BMPER: variants seen among roughly 807,000 people sequenced by gnomAD.
BMPER encodes BMP binding endothelial regulator, also known as BMP-binding endothelial regulator protein.
Under a neutral mutation model 87.3 loss-of-function variants are expected in BMPER, and 45 were observed. That is an observed-to-expected ratio of 0.52 (90% confidence interval 0.41 to 0.66). The LOEUF (loss-of-function observed/expected upper bound fraction) is 0.66, where lower values mean the gene tolerates loss of function less well. Ranked by LOEUF, BMPER falls within the 30% of genes least tolerant of loss-of-function variation. The pLI is 0.00. For synonymous variants in BMPER, 326 were observed against 316.2 expected, an observed-to-expected ratio of 1.03 and a Z score of -0.33; for missense variants, 784 against 867.5, an observed-to-expected ratio of 0.90 and a Z score of 1.21.
chr7:34,066,855 G>A (rs77230393), intron 11 of BMPER, among the ~76,000 whole-genome samples: 5,849 of 151,448 alleles, frequency 0.039, 117 homozygotes, highest in Non-Finnish European at 0.042. Context: ...GAGGGGCAGA[G>A]AGAGAGAGAG....
At chr7:33,984,495 A>ATCTC (rs1211457643) in intron 6 of BMPER, among the ~76,000 whole-genome samples, 1 of 152,094 alleles carries the variant, frequency 6.6e-6, no homozygotes, top group Non-Finnish European at 1.5e-5. Flanking sequence ...CAGTGGGCTT[A>ATCTC]TCTCTCCATT....
At chr7:34,146,894 C>G (rs1158267080) in intron 14 of BMPER, among the ~76,000 whole-genome samples, 2 of 152,194 alleles carry the variant, frequency 1.3e-5, no homozygotes, top group Non-Finnish European at 2.9e-5. Context: ...TTTCCAATTT[C>G]TATTTGTTTG....
chr7:33,916,052 G>A (rs1438111383), intron 2 of BMPER, among the ~76,000 whole-genome samples: 1 of 152,204 alleles, frequency 6.6e-6, no homozygotes, highest in African/African-American at 2.4e-5. Context: ...GAAGTGTCAT[G>A]GAATGACTGC....
intron 2 of BMPER, among the ~76,000 whole-genome samples, chr7:33,914,457 A>G (rs577941224): frequency 6.6e-6 from 1 of 152,290 alleles, no homozygotes; most frequent in East Asian, 1.9e-4. Flanking sequence ...AAGTCTGGCC[A>G]ATGTCATAGA....
intron 6 of BMPER, among the ~76,000 whole-genome samples, chr7:34,024,384 AATATATATATATATAT>A (rs200214350): frequency 0.039 from 917 of 23,394 alleles, 37 homozygotes; most frequent in African/African-American, 0.064. Context: ...AAAAAAAAAC[AATATATATATATATAT>A]ATATATATAT....
At chr7:33,955,351 C>T (rs185954435) in intron 3 of BMPER, among the ~76,000 whole-genome samples, 5 of 152,302 alleles carry the variant, frequency 3.3e-5, no homozygotes, top group African/African-American at 4.8e-5. Flanking sequence ...CTCTGTACAA[C>T]GTTGCGCTGT....
chr7:34,065,249 C>CTCTCTCCCT (rs1788555867), intron 11 of BMPER, among the ~76,000 whole-genome samples: 1 of 58,494 alleles, frequency 1.7e-5, no homozygotes, highest in Non-Finnish European at 3.9e-5. Flanking sequence ...TCTCTCTCTC[C>CTCTCTCCCT]CTCTCTCTCT....
intron 13 of BMPER, among the ~76,000 whole-genome samples, chr7:34,135,931 A>G (rs1347844597): frequency 6.6e-6 from 1 of 152,164 alleles, no homozygotes; most frequent in Admixed American, 6.5e-5. Flanking sequence ...ATCTACAACC[A>G]GAGAAACAGG....
At chr7:33,964,957 A>G (rs550754487) in intron 3 of BMPER, among the ~76,000 whole-genome samples, 1 of 152,184 alleles carries the variant, frequency 6.6e-6, no homozygotes, top group Non-Finnish European at 1.5e-5. Flanking sequence ...GTTATTTATT[A>G]TCTGAATGAG....
At chr7:34,147,563 T>G (rs13242615) in intron 14 of BMPER, among the ~76,000 whole-genome samples, 3 of 152,156 alleles carry the variant, frequency 2.0e-5, no homozygotes, top group African/African-American at 7.2e-5. Flanking sequence ...CTCCAACTCC[T>G]AGGTTCAAGT....
intron 13 of BMPER, among the ~76,000 whole-genome samples, chr7:34,123,937 C>A (rs1250235632): frequency 6.6e-6 from 1 of 152,058 alleles, no homozygotes; most frequent in African/African-American, 2.4e-5. Flanking sequence ...ATTAATGTAT[C>A]TTTTCATTTA....
intron 3 of BMPER, among the ~76,000 whole-genome samples, chr7:33,946,228 TG>T (rs1172516366): frequency 6.6e-6 from 1 of 152,060 alleles, no homozygotes; most frequent in Non-Finnish European, 1.5e-5. Context: ...GAGAACAGCA[TG>T]GGGGAAACTG....
At chr7:33,983,698 C>T (rs1785921418) in intron 6 of BMPER, among the ~76,000 whole-genome samples, 1 of 152,122 alleles carries the variant, frequency 6.6e-6, no homozygotes, top group Admixed American at 6.5e-5. Flanking sequence ...CATGCCATTT[C>T]TCTCTGTCTA....
chr7:34,020,547 T>TC (rs1340376936), intron 6 of BMPER, among the ~76,000 whole-genome samples: 1 of 151,970 alleles, frequency 6.6e-6, no homozygotes, highest in African/African-American at 2.4e-5. Context: ...ATCCTGAAGT[T>TC]CTGGGTACAT....
chr7:33,968,699 C>T (rs763822851), intron 4 of BMPER, among the ~76,000 whole-genome samples: 3 of 152,192 alleles, frequency 2.0e-5, no homozygotes, highest in Non-Finnish European at 4.4e-5. Flanking sequence ...ACAACAAGGT[C>T]TCAGACAGAT....
intron 13 of BMPER, among the ~76,000 whole-genome samples, chr7:34,089,778 C>T (rs530124373): frequency 2.3e-4 from 35 of 152,086 alleles, no homozygotes; most frequent in Admixed American, 2.0e-3. Context: ...GCCACTGTGC[C>T]CACCCTGCAA....
chr7:34,018,869 G>A (rs190481196), intron 6 of BMPER, among the ~76,000 whole-genome samples: 19 of 152,088 alleles, frequency 1.2e-4, no homozygotes, highest in Non-Finnish European at 2.1e-4. Context: ...GGTTTATGTC[G>A]CATGTTTCTT....
intron 6 of BMPER, among the ~76,000 whole-genome samples, chr7:34,036,296 TTTTG>T (rs964400342): frequency 5.9e-5 from 9 of 152,208 alleles, no homozygotes; most frequent in Non-Finnish European, 1.0e-4. Context: ...TTTCACTTTT[TTTTG>T]TTTGTTTGTT....
intron 13 of BMPER, among the ~76,000 whole-genome samples, chr7:34,103,890 G>T (rs186695723): frequency 7.9e-5 from 12 of 152,296 alleles, no homozygotes; most frequent in African/African-American, 2.2e-4. Context: ...GAAGCCCAGT[G>T]TATCCTCTCC....
Sources: allele counts gnomAD v4.1 joint callset (sites outside exome capture counted in the v4.1 genomes callset), GRCh38; gene constraint gnomAD v4.1.1; transcripts MANE v1.5; gene names NCBI Gene and HGNC (gene_info 2026-07-23, HGNC 2026-07-21).